EIPR1: variants seen among roughly 807,000 people sequenced by gnomAD.
EIPR1 encodes the protein EARP and GARP complex-interacting protein 1.
Under a neutral mutation model 48.1 loss-of-function variants are expected in EIPR1, and 25 were observed. The ratio of observed to expected loss-of-function variants is 0.52; its 90% CI spans 0.38 to 0.73. The LOEUF (loss-of-function observed/expected upper bound fraction) is 0.73. Among genes scored for constraint, EIPR1 ranks in the 30% least tolerant of loss-of-function variants. The probability of loss-of-function intolerance (pLI) is 0.00; values close to 1 mark genes in which losing one functional copy is unlikely to be tolerated. For synonymous variants in EIPR1, 204 were observed against 201.9 expected, an observed-to-expected ratio of 1.01 and a Z score of -0.09; for missense variants, 415 against 506.2, an observed-to-expected ratio of 0.82 and a Z score of 1.73.
intron 2 of EIPR1, among the ~76,000 whole-genome samples, chr2:3,339,884 A>C (rs1282234965): frequency 6.6e-6 from 1 of 152,228 alleles, no homozygotes; most frequent in Non-Finnish European, 1.5e-5. Context: ...CGGGAGGCGG[A>C]GCCTGCAGTG....
intron 7 of EIPR1, among the ~76,000 whole-genome samples, chr2:3,193,685 T>A (rs574275939): frequency 3.3e-5 from 5 of 152,208 alleles, no homozygotes; most frequent in Admixed American, 6.5e-5. Context: ...GTGATGGACA[T>A]TTGGGTGGTT....
chr2:3,256,510 ATTAAAT>A, intron 4 of EIPR1, among the ~76,000 whole-genome samples: 1 of 152,306 alleles, frequency 6.6e-6, no homozygotes, highest in Admixed American at 6.5e-5. Context: ...TATTTGTTGT[ATTAAAT>A]TTATTTAATT....
chr2:3,211,922 C>T (rs1230687756), intron 5 of EIPR1, among the ~76,000 whole-genome samples: 1 of 152,244 alleles, frequency 6.6e-6, no homozygotes, highest in African/African-American at 2.4e-5. Flanking sequence ...CCCCACGGAA[C>T]CTTCCACTCC....
At chr2:3,309,828 A>T (rs1669066644) in intron 3 of EIPR1, among the ~76,000 whole-genome samples, 1 of 152,128 alleles carries the variant, frequency 6.6e-6, no homozygotes, top group African/African-American at 2.4e-5. Context: ...TACCTGTTCA[A>T]AGGAGGTAAT....
rs11894769 is a variant in EIPR1, at chr2:3,342,110, A to T, written c.127-3961T>A. Among the ~76,000 whole-genome samples the T allele has an allele frequency of 7.0e-3, 1,065 of 152,316 alleles. 13 individuals carry two copies. Among genetic ancestry groups the T allele is most frequent in the African/African-American group, 0.025 (1,025 of 41,560 alleles). The stretch of plus-strand genomic sequence containing the variant: ...CATAAATGTTGAAACTGAAACAATA[A>T]TTTGATTTTGTGAAATCTGCCCCAA... On this transcript the variant is annotated intron_variant, in intron 2 of 8. Transcript: ENST00000382125.
chr2:3,212,645 C>G (rs923473868), intron 5 of EIPR1, among the ~76,000 whole-genome samples: 20 of 152,152 alleles, frequency 1.3e-4, no homozygotes, highest in African/African-American at 4.3e-4. Flanking sequence ...CCACCATGAC[C>G]AGGACTCTGC....
intron 3 of EIPR1, among the ~76,000 whole-genome samples, chr2:3,260,771 TCAA>T (rs1183246701): frequency 2.6e-5 from 4 of 152,106 alleles, no homozygotes; most frequent in Non-Finnish European, 5.9e-5. Context: ...GAAAAGATGC[TCAA>T]CATTATTAAT....
At chr2:3,344,110 G>A (rs746157119) in intron 2 of EIPR1, among the ~76,000 whole-genome samples, 25 of 152,142 alleles carry the variant, frequency 1.6e-4, no homozygotes, top group Non-Finnish European at 2.8e-4. Flanking sequence ...AGAGGCACCC[G>A]CCTAGGGAAA....
intron 3 of EIPR1, among the ~76,000 whole-genome samples, chr2:3,293,939 G>A (rs1260130228): frequency 6.6e-6 from 1 of 152,108 alleles, no homozygotes; most frequent in Non-Finnish European, 1.5e-5. Context: ...TTAATTAAAT[G>A]GAATGGTGGC....
At chr2:3,197,448 T>TCTTC (rs1664850377) in intron 5 of EIPR1, among the ~76,000 whole-genome samples, 1 of 152,214 alleles carries the variant, frequency 6.6e-6, no homozygotes, top group South Asian at 2.1e-4. Flanking sequence ...GTGCACGCCC[T>TCTTC]CTTCCCTCCC....
chr2:3,345,965 C>G (rs1051337553), intron 2 of EIPR1, among the ~76,000 whole-genome samples: 1 of 152,204 alleles, frequency 6.6e-6, no homozygotes, highest in Admixed American at 6.5e-5. Context: ...ACCACCACCA[C>G]CACCGTGCCA....
At chr2:3,220,116 A>C (rs1572316533) in intron 4 of EIPR1, among the ~76,000 whole-genome samples, 1 of 152,214 alleles carries the variant, frequency 6.6e-6, no homozygotes, top group Admixed American at 6.5e-5. Flanking sequence ...GTTTCATCGC[A>C]AAACTAGCCA....
chr2:3,218,315 G>C (rs551744228), intron 4 of EIPR1, among the ~76,000 whole-genome samples: 1 of 150,430 alleles, frequency 6.6e-6, no homozygotes, highest in South Asian at 2.1e-4. Flanking sequence ...AGCTTTCACA[G>C]TGAGTCAGGT....
chr2:3,220,312 T>A (rs1335448572), intron 4 of EIPR1, among the ~76,000 whole-genome samples: 3 of 151,932 alleles, frequency 2.0e-5, no homozygotes, highest in African/African-American at 7.3e-5. Flanking sequence ...ACTAGAGCAT[T>A]CACAGTGAGT....
chr2:3,273,868 G>A (rs2694079), intron 3 of EIPR1, among the ~76,000 whole-genome samples: 104,044 of 152,056 alleles, frequency 0.68, 35,973 homozygotes, highest in East Asian at 0.81. Context: ...CAAGAGAACA[G>A]AGCATTCCAA....
At chr2:3,362,496 T>C (rs1029208138) in intron 1 of EIPR1, among the ~76,000 whole-genome samples, 3 of 152,174 alleles carry the variant, frequency 2.0e-5, no homozygotes, top group Non-Finnish European at 2.9e-5. Context: ...CCACAAAAGC[T>C]ACTTTATCAA....
At chr2:3,235,412 A>G (rs1053657963) in intron 4 of EIPR1, among the ~76,000 whole-genome samples, 8 of 146,850 alleles carry the variant, frequency 5.4e-5, no homozygotes, top group Non-Finnish European at 1.2e-4. Context: ...ACATGTGTGC[A>G]TGCGGGTGCG....
At chr2:3,365,426 C>G (rs1271981888) in intron 1 of EIPR1, among the ~76,000 whole-genome samples, 2 of 151,888 alleles carry the variant, frequency 1.3e-5, no homozygotes, top group African/African-American at 4.8e-5. Context: ...GAGCCACGAT[C>G]GCACTACTGC....
chr2:3,277,071 C>A (rs2462956), intron 3 of EIPR1, among the ~76,000 whole-genome samples: 1 of 151,990 alleles, frequency 6.6e-6, no homozygotes, highest in Non-Finnish European at 1.5e-5. Context: ...GGTGAATGTA[C>A]GAGGAAGTCT....
Sources: gnomAD v4.1 joint callset for allele counts (sites outside exome capture counted in the v4.1 genomes callset) on GRCh38, gnomAD v4.1.1 for gene constraint, MANE v1.5 for transcripts, NCBI Gene and HGNC (gene_info 2026-07-23, HGNC 2026-07-21) for gene names.